The following ACSM3 variants were observed in gnomAD, a reference collection of about 807,000 sequenced individuals.
ACSM3 encodes the protein acyl-CoA synthetase medium chain family member 3.
ACSM3 carries 61 observed loss-of-function variants against 74.1 expected under a neutral mutation model. The observed-to-expected ratio is 0.82, with a 90% CI of 0.67 to 1.02. The LOEUF (loss-of-function observed/expected upper bound fraction) is 1.02, where lower values mean the gene tolerates loss of function less well. Ranked by LOEUF, ACSM3 falls within the 50% of genes least tolerant of loss-of-function variation. ACSM3 has a pLI of 0.00. For synonymous variants in ACSM3, 213 were observed against 241.5 expected (o/e 0.88, Z 1.09); for missense variants, 660 against 697.0 (o/e 0.95, Z 0.60).
intron 1 of ACSM3, among the ~76,000 whole-genome samples, chr16:20,714,560 G>A (rs1421279473): frequency 1.3e-5 from 2 of 152,174 alleles, no homozygotes; most frequent in African/African-American, 4.8e-5. Flanking sequence ...CTGATGAATA[G>A]GATGGAGGGA....
rs1414940705 is a variant in ACSM3 at position 20,741,354 on chromosome 16, G to A, written c.-189-8556G>A. On this transcript the variant is annotated intron_variant, in intron 1 of 3. Transcript: ENST00000561584. ...AGCACCGAAGTCTGCGAGCGTCTCA[G>A]GACTAGGGACGGAAACGCCGGCGAG... Among the ~76,000 whole-genome samples the A allele has an allele frequency of 3.9e-5, 6 of 152,370 alleles. No individual in the cohort carries two copies. The East Asian group carries it at 7.7e-4, about 20-fold the overall frequency.
intron 1 of ACSM3, chr16:20,741,961 T>G: frequency 6.5e-7 from 1 of 1,529,982 alleles, no homozygotes; most frequent in Non-Finnish European, 8.7e-7. Flanking sequence ...GCCTCCCGAC[T>G]GCAACCTGAA....
At chr16:20,704,379 A>G (rs901722171) in intron 1 of ACSM3, among the ~76,000 whole-genome samples, 2 of 152,224 alleles carry the variant, frequency 1.3e-5, no homozygotes, top group Non-Finnish European at 2.9e-5. Flanking sequence ...TAGAATGAGC[A>G]CTTCAACTTA....
intron 2 of ACSM3, among the ~76,000 whole-genome samples, chr16:20,754,449 A>C (rs2080012853): frequency 6.6e-6 from 1 of 152,246 alleles, no homozygotes; most frequent in Non-Finnish European, 1.5e-5. Context: ...TCAGCCAGTC[A>C]CAGGCAGCCA....
intron 1 of ACSM3, chr16:20,737,302 A>T: frequency 6.3e-7 from 1 of 1,592,634 alleles, no homozygotes; most frequent in Non-Finnish European, 8.6e-7. Flanking sequence ...ACAAAAACAG[A>T]AAAACACATA....
At chr16:20,734,374 G>A (rs1299746013) in intron 1 of ACSM3, 2 of 152,502 alleles carry the variant, frequency 1.3e-5, no homozygotes, top group Non-Finnish European at 2.9e-5. Context: ...ATCATTGCAA[G>A]GTAACTTCAA....
intron 2 of ACSM3, among the ~76,000 whole-genome samples, chr16:20,751,850 A>G (rs1260980368): frequency 1.3e-5 from 2 of 152,204 alleles, no homozygotes; most frequent in Non-Finnish European, 2.9e-5. Flanking sequence ...GCTCCAGCCA[A>G]ACTGATTCTA....
intron 1 of ACSM3, among the ~76,000 whole-genome samples, chr16:20,726,785 T>A (rs533350616): frequency 6.6e-6 from 1 of 152,294 alleles, no homozygotes; most frequent in Admixed American, 6.5e-5. Context: ...CTCACAAGGC[T>A]GTGGTGAGAA....
At chr16:20,775,807 T>A (rs1331638564) in intron 2 of ACSM3, 32 bp from the exon 3 acceptor site, 2 of 1,610,466 alleles carry the variant, frequency 1.2e-6, no homozygotes, top group African/African-American at 2.7e-5. Flanking sequence ...TATAACAACC[T>A]TTAAATCAAT....
intron 12 of ACSM3, among the ~76,000 whole-genome samples, chr16:20,794,380 T>G (rs1364685892): frequency 2.6e-5 from 4 of 152,226 alleles, no homozygotes; most frequent in African/African-American, 4.8e-5. Flanking sequence ...TTAAGACTTA[T>G]GCAGTGATGG....
At chr16:20,738,934 T>G (rs2079893804) in intron 1 of ACSM3, 1 of 1,614,074 alleles carries the variant, frequency 6.2e-7, no homozygotes, top group African/African-American at 1.3e-5. Context: ...CGTTATTTGC[T>G]CCACTTTCCA....
intron 2 of ACSM3, among the ~76,000 whole-genome samples, chr16:20,752,724 T>C (rs755544833): frequency 6.6e-6 from 1 of 152,148 alleles, no homozygotes; most frequent in Non-Finnish European, 1.5e-5. Flanking sequence ...ATAATAGATA[T>C]AGATAACAAT....
intron 1 of ACSM3, among the ~76,000 whole-genome samples, chr16:20,686,319 A>AAAC (rs1443286380): frequency 6.6e-6 from 1 of 152,162 alleles, no homozygotes; most frequent in Non-Finnish European, 1.5e-5. Context: ...CTACCTACAG[A>AAAC]AACAACAGAT....
intron 1 of ACSM3, among the ~76,000 whole-genome samples, chr16:20,742,353 G>A (rs924619989): frequency 6.6e-5 from 10 of 152,068 alleles, no homozygotes; most frequent in African/African-American, 2.2e-4. Context: ...GCCAATCAAC[G>A]CATTACAAAA....
rs1017932076 is a variant in ACSM3 at position 20,722,621 on chromosome 16, G to A, written c.-189-27289G>A. Among the ~76,000 whole-genome samples, 8 of 152,180 alleles carry A rather than the reference G, an allele frequency of 5.3e-5. 1 individual carries two copies. Among genetic ancestry groups the A allele is most frequent in the Non-Finnish European group, 2.9e-5 (2 of 68,024 alleles). ...ATTTCATAGAAATAGAAGTGGAAAGGTTCCAGTAGTTTAACTTATACATCC... is the reference window on the plus strand; with the variant it reads ...ATTTCATAGAAATAGAAGTGGAAAGATTCCAGTAGTTTAACTTATACATCC... On this transcript the variant is annotated intron_variant, in intron 1 of 3. Coordinates refer to the ACSM3 transcript ENST00000561584.
At chr16:20,713,938 C>A (rs2079752417) in intron 1 of ACSM3, among the ~76,000 whole-genome samples, 1 of 152,118 alleles carries the variant, frequency 6.6e-6, no homozygotes. Context: ...ATAATGTGGG[C>A]TAATTTTACA....
intron 8 of ACSM3, among the ~76,000 whole-genome samples, chr16:20,785,465 T>C (rs2080451241): frequency 6.6e-6 from 1 of 152,158 alleles, no homozygotes; most frequent in Non-Finnish European, 1.5e-5. Context: ...CCTTGCTGCC[T>C]GAAATATTAA....
intron 3 of ACSM3, among the ~76,000 whole-genome samples, chr16:20,757,242 C>T (rs1159475533): frequency 1.3e-5 from 2 of 152,166 alleles, no homozygotes; most frequent in Non-Finnish European, 2.9e-5. Context: ...GCCATTTTCA[C>T]AATATTGATT....
rs184656417 is a variant in ACSM3 at position 20,731,799 on chromosome 16, T to C, written c.-189-18111T>C. On this transcript the variant is annotated intron_variant, in intron 1 of 3. Transcript: ENST00000561584. ...TACCAAACTAAGACCTAAGCTAAAA[T>C]GTAGATTTTACTGGATTTTGACTTT... 775 of 274,418 alleles carry C rather than the reference T, an allele frequency of 2.8e-3. 6 individuals carry two copies. The highest frequency in any genetic ancestry group is 0.016 in the African/African-American group (700 of 44,432). The allele number at this position is 274,418 out of a possible 1,614,324, so 17.0% of individuals were successfully genotyped here.
Sources: gnomAD v4.1 joint callset for allele counts (sites outside exome capture counted in the v4.1 genomes callset) on GRCh38, gnomAD v4.1.1 for gene constraint, MANE v1.5 for transcripts, NCBI Gene and HGNC (gene_info 2026-07-23, HGNC 2026-07-21) for gene names.